Variants in NOD2 observed in about 807,000 individuals in gnomAD.
The protein encoded by NOD2 is nucleotide binding oligomerization domain containing 2.
In NOD2, 86 loss-of-function variants were observed where a neutral mutation model predicts 90.9. The observed-to-expected ratio is 0.95, with a 90% CI of 0.79 to 1.13. The LOEUF is 1.13. Ranked by LOEUF, NOD2 falls within the 50% of genes most tolerant of loss-of-function variation. NOD2 has a pLI of 0.00. For missense variants in NOD2, 1,238 were observed against 1,283.8 expected, an observed-to-expected ratio of 0.96 and a Z score of 0.55; for synonymous variants, 581 against 554.6, an observed-to-expected ratio of 1.05 and a Z score of -0.67.
At chr16:50,727,977 G>T (rs1965324660) in intron 10 of NOD2, 1 of 261,698 alleles carries the variant, frequency 3.8e-6, no homozygotes, top group Admixed American at 4.5e-5. Context: ...ATTGCCAGTT[G>T]TATAAAATCC....
chr16:50,723,521 G>A, intron 9 of NOD2, 137 bp downstream of exon 9: 2 of 773,360 alleles, frequency 2.6e-6, no homozygotes, highest in South Asian at 2.9e-5. Flanking sequence ...GATTGTGTTT[G>A]TCTTTATATG....
intron 11 of NOD2, among the ~76,000 whole-genome samples, chr16:50,730,143 G>T (rs1209817828): frequency 6.6e-6 from 1 of 152,200 alleles, no homozygotes; most frequent in African/African-American, 2.4e-5. Flanking sequence ...CAACTTCTCT[G>T]CTCTATGAGA....
At position 50,711,909 on chromosome 16, in the gene NOD2, C is replaced by T. The variant is rs374171106; in HGVS notation, c.1917C>T (p.Ala639=). 47 of 1,608,148 alleles carry T rather than the reference C, an allele frequency of 2.9e-5. No individual in the cohort carries two copies. The highest frequency in any genetic ancestry group is 8.0e-5 in the African/African-American group (6 of 74,838). ...DSSVAALLQK[A]EPHNLQITAA... is the part of the protein sequence containing the mutation. ...GCGTGGCAGCTTTGCTGCAGAAGGC[C>T]GAGCCGCACAACCTTCAGATCACAG... Residue 639 remains alanine, a synonymous_variant, in exon 4 of 12, where the codon GCC becomes GCT. Transcript: ENST00000647318.
rs770915641 is a variant in NOD2 at position 50,716,613 on chromosome 16, G to C, written c.2408G>C (p.Arg803Pro). The C allele has an allele frequency of 4.3e-6, 7 of 1,614,106 alleles. No individual in the cohort carries two copies. Among genetic ancestry groups the C allele is most frequent in the Non-Finnish European group, 5.1e-6 (6 of 1,179,996 alleles). The change falls in exon 5 of 12, where the codon CGA becomes CCA. Residue 803 changes from arginine (R) to proline (P), a missense_variant. By Grantham distance (103) the Arg-to-Pro change is moderately radical (BLOSUM62 -2). Coordinates refer to ENST00000647318, the MANE Select transcript of NOD2 (RefSeq NM_001370466.1). ...TTGCGCGATAACAATATCTCAGACC[G>C]AGGCATCTGCAAGCTCATTGAATGT... ...LYLRDNNISD[R>P]GICKLIECAL... is the part of the protein sequence containing the mutation.
Position 50,731,730 on chromosome 16 carries a change from C to T in NOD2, c.2970-17C>T. On this transcript the variant is annotated splice_polypyrimidine_tract_variant and intron_variant, in intron 11 of 11. Coordinates refer to ENST00000647318, the MANE Select transcript of NOD2 (RefSeq NM_001370466.1). ...TTTTGTCCTCACTCAAACCTCTGTT[C>T]ACTTGATCTGCTTTAGGCTCCGAGG... 6.3e-7 allele frequency: 1 copy of T among 1,598,934 alleles called. No individual in the cohort carries two copies. Among genetic ancestry groups the T allele is most frequent in the Admixed American group, 1.7e-5 (1 of 60,012 alleles).
intron 2 of NOD2, among the ~76,000 whole-genome samples, chr16:50,702,698 G>A (rs1963996141): frequency 6.6e-6 from 1 of 152,222 alleles, no homozygotes. Flanking sequence ...GCCAGACACT[G>A]TACCCAGTCC....
At chr16:50,704,500 C>CT (rs1964091689) in intron 2 of NOD2, among the ~76,000 whole-genome samples, 1 of 151,030 alleles carries the variant, frequency 6.6e-6, no homozygotes, top group African/African-American at 2.4e-5. Context: ...ATTATCCTCT[C>CT]TTTTCAATAT....
At chr16:50,717,018 C>G in intron 6 of NOD2, 44 bp downstream of exon 6, 1 of 1,577,880 alleles carries the variant, frequency 6.3e-7, no homozygotes, top group Non-Finnish European at 8.7e-7. Flanking sequence ...ATTTTTTGCC[C>G]CATTCCTGAG....
At chr16:50,715,402 A>C (rs1056982448) in intron 4 of NOD2, among the ~76,000 whole-genome samples, 1 of 150,142 alleles carries the variant, frequency 6.7e-6, no homozygotes, top group African/African-American at 2.5e-5. Context: ...GGTGAGGCTG[A>C]TAATACTATT....
At chr16:50,717,457 GTCTC>G (rs756588401) in intron 6 of NOD2, among the ~76,000 whole-genome samples, 1 of 152,112 alleles carries the variant, frequency 6.6e-6, no homozygotes, top group Non-Finnish European at 1.5e-5. Context: ...TTCAACAGGA[GTCTC>G]TCTCTCTCCT....
chr16:50,723,108 T>C (rs537726807), intron 8 of NOD2, among the ~76,000 whole-genome samples, 193 bp from the exon 9 acceptor site: 1 of 123,532 alleles, frequency 8.1e-6, no homozygotes, highest in Non-Finnish European at 1.7e-5. Context: ...AAAAGAGCAC[T>C]GCATTCAATT....
rs575509512 is a variant in NOD2 at position 50,716,591 on chromosome 16, C to A, written c.2386C>A (p.Arg796Ser). 6.2e-7 allele frequency: 1 copy of A among 1,613,430 alleles called. No homozygotes were observed. The highest frequency in any genetic ancestry group is 8.5e-7 in the Non-Finnish European group (1 of 1,179,516). ...GTATTTATTTTGTCTCTTTAGTTTG[C>A]GCGATAACAATATCTCAGACCGAGG... ...CLGVCKALYL[R>S]DNNISDRGIC... The change falls in exon 5 of 12, where the codon CGC becomes AGC. Residue 796 changes from arginine (R) to serine (S), a missense_variant. Around this residue, in one of 3 missense-constraint regions of NOD2, gnomAD observed 667 missense variants for 688.7 expected, o/e 0.97. Coordinates refer to ENST00000647318, the MANE Select transcript of NOD2 (RefSeq NM_001370466.1).
chr16:50,704,816 C>G (rs1964111707), intron 2 of NOD2, among the ~76,000 whole-genome samples: 1 of 152,208 alleles, frequency 6.6e-6, no homozygotes, highest in Admixed American at 6.5e-5. Context: ...CCACACCCAG[C>G]CTCCAAAACC....
chr16:50,719,893 G>A, intron 6 of NOD2, 32 bp from the exon 7 acceptor site: 6 of 1,600,886 alleles, frequency 3.7e-6, no homozygotes, highest in Non-Finnish European at 5.1e-6. Context: ...CTGCCGCTGT[G>A]TTCTCTCAGC....
Position 50,711,603 on chromosome 16 carries a change from G to A in NOD2, c.1611G>A (p.Val537=). ...GGGGCCTGGGCATGTGCTGCTACGT[G>A]TTCTCAGCCCAGCAGCTCCAGGCAG... ...ALWGLGMCCY[V]FSAQQLQAAQ... The change falls in exon 4 of 12, where the codon GTG becomes GTA. Residue 537 remains valine (V), a synonymous_variant. Coordinates refer to ENST00000647318, the MANE Select transcript of NOD2 (RefSeq NM_001370466.1). 6.2e-7 allele frequency: 1 copy of A among 1,611,552 alleles called. No homozygotes were observed. Among genetic ancestry groups the A allele is most frequent in the Non-Finnish European group, 8.5e-7 (1 of 1,179,996 alleles).
Position 50,729,911 on chromosome 16 carries a change from CT to C in NOD2, c.2969+11del. ...CCATCCTGGAAGTCTGGTAAGGCCC[CT>C]GGGCAGGCCTGTTTTAGCTCTCCGA... On this transcript the variant is annotated intron_variant, in intron 11 of 11. Transcript: ENST00000647318. 1 of 1,608,040 alleles carries C rather than the reference CT, an allele frequency of 6.2e-7. No individual in the cohort carries two copies.
chr16:50,717,505 C>T (rs953878237), intron 6 of NOD2, among the ~76,000 whole-genome samples: 8 of 152,112 alleles, frequency 5.3e-5, no homozygotes, highest in Admixed American at 2.6e-4. Context: ...TCTAGCTGGC[C>T]GCTGGGTTGG....
intron 2 of NOD2, among the ~76,000 whole-genome samples, chr16:50,703,942 T>C (rs1227786937): frequency 1.3e-5 from 2 of 152,176 alleles, no homozygotes; most frequent in Non-Finnish European, 2.9e-5. Flanking sequence ...CCAGAGGAAG[T>C]GGGCTGCTTT....
At chr16:50,730,672 G>T (rs1397856976) in intron 11 of NOD2, among the ~76,000 whole-genome samples, 1 of 152,178 alleles carries the variant, frequency 6.6e-6, no homozygotes, top group Non-Finnish European at 1.5e-5. Context: ...AACTCTGGAT[G>T]CCCATTCATG....
Sources: allele counts gnomAD v4.1 joint callset (sites outside exome capture counted in the v4.1 genomes callset), GRCh38; gene constraint gnomAD v4.1.1; regional missense constraint gnomAD v4.1.1; transcripts MANE v1.5; gene names NCBI Gene and HGNC (gene_info 2026-07-23, HGNC 2026-07-21).